Variants in ANXA9 observed in about 807,000 individuals in gnomAD.
ANXA9 encodes annexin A9.
ANXA9 carries 47 observed loss-of-function variants against 51.8 expected under a neutral mutation model. The observed-to-expected ratio is 0.91, with a 90% CI of 0.72 to 1.16. ANXA9 has a LOEUF of 1.16. ANXA9 is among the 50% of genes most tolerant of loss of function. ANXA9 has a pLI of 0.00. For synonymous variants in ANXA9, 154 were observed against 168.7 expected (o/e 0.91, Z 0.68); for missense variants, 361 against 424.7 (o/e 0.85, Z 1.32).
In ANXA9 at chr1:150,983,124, A is replaced by C; in HGVS notation, c.19A>C (p.Lys7Gln). 1 of 1,613,692 alleles carries C rather than the reference A, an allele frequency of 6.2e-7. No individual in the cohort carries two copies. Among genetic ancestry groups the C allele is most frequent in the Non-Finnish European group, 8.5e-7 (1 of 1,179,836 alleles). The change falls in exon 3 of 14, where the codon AAG (lysine) becomes CAG (glutamine). Residue 7 changes from lysine (K) to glutamine (Q), a missense_variant. By Grantham distance (53) the Lys-to-Gln change is moderately conservative. Transcript: ENST00000368947. Reference sequence around the variant, plus strand: ...TAGCACCATGTCTGTGACTGGCGGGAAGATGGCACCGTCCCTCACCCAGGA... The same window carrying C: ...TAGCACCATGTCTGTGACTGGCGGGCAGATGGCACCGTCCCTCACCCAGGA... Reference protein sequence around the residue: MSVTGGKMAPSLTQEIL... With the variant: MSVTGGQMAPSLTQEIL...
chr1:150,988,755 C>T (rs1010530337), intron 12 of ANXA9, among the ~76,000 whole-genome samples: 5 of 152,192 alleles, frequency 3.3e-5, no homozygotes, highest in African/African-American at 4.8e-5. Context: ...TTAATCCTCA[C>T]AACCATATCC....
At chr1:150,992,123 T>C (rs1671719765) in intron 12 of ANXA9, among the ~76,000 whole-genome samples, 1 of 152,218 alleles carries the variant, frequency 6.6e-6, no homozygotes, top group Non-Finnish European at 1.5e-5. Flanking sequence ...TTGTGAAGAA[T>C]ATTTATTCAG....
At chr1:150,979,687 A>G (rs1671382299), upstream of ANXA9, among the ~76,000 whole-genome samples, 1 of 152,180 alleles carries the variant, frequency 6.6e-6, no homozygotes, top group Non-Finnish European at 1.5e-5. Context: ...TCTTGTGGCC[A>G]TTTTGGGGAT....
At chr1:150,978,352 C>G (rs1296207554), upstream of ANXA9, among the ~76,000 whole-genome samples, 1 of 151,994 alleles carries the variant, frequency 6.6e-6, no homozygotes, top group Non-Finnish European at 1.5e-5. Context: ...ATCACTTGAA[C>G]CTGGGAGGCA....
In ANXA9 at chr1:150,983,897, G is replaced by A. The variant is rs138842987; in HGVS notation, c.173-78G>A. 2,056 of 1,396,676 alleles carry A rather than the reference G, an allele frequency of 1.5e-3. 29 individuals are homozygous for A. In the African/African-American group the frequency reaches 0.026, roughly 18 times the overall value. 86.5% of individuals were successfully genotyped at this position (1,396,676 alleles called of 1,614,324 possible). On this transcript the variant is annotated intron_variant, in intron 4 of 13. Coordinates refer to ENST00000368947, the MANE Select transcript of ANXA9 (RefSeq NM_003568.3). ...TTCCTTCCCAGCCCTCTCCTGGAGC[G>A]CCTTCCCTCCTCCAAGGAGTAGGAA...
chr1:150,988,859 C>G (rs1174566399), intron 12 of ANXA9, among the ~76,000 whole-genome samples: 1 of 152,176 alleles, frequency 6.6e-6, no homozygotes, highest in East Asian at 1.9e-4. Flanking sequence ...TCTCCCTACA[C>G]AACACTTCAC....
chr1:150,985,765 G>A (rs942814976), intron 7 of ANXA9, among the ~76,000 whole-genome samples: 2 of 151,892 alleles, frequency 1.3e-5, no homozygotes, highest in East Asian at 3.9e-4. Flanking sequence ...ATGGGGTTTC[G>A]CTGTGTTGTC....
At chr1:150,990,755 GGAGAATCTC>G (rs1671676723) in intron 12 of ANXA9, among the ~76,000 whole-genome samples, 1 of 152,208 alleles carries the variant, frequency 6.6e-6, no homozygotes, top group Admixed American at 6.5e-5. Context: ...GGCTGAAGCA[GGAGAATCTC>G]GAGCCTGGGA....
At chr1:150,983,031 TA>T in intron 2 of ANXA9, 58 bp from the exon 3 acceptor site, 1 of 1,342,908 alleles carries the variant, frequency 7.4e-7, no homozygotes, top group East Asian at 2.3e-5. Context: ...GGGGGGGTCA[TA>T]AGGAGTCCCT....
At chr1:150,992,630 TA>T in intron 12 of ANXA9, among the ~76,000 whole-genome samples, 1 of 151,848 alleles carries the variant, frequency 6.6e-6, no homozygotes, top group East Asian at 1.9e-4. Context: ...GCCAACATGG[TA>T]AAACCCCACC....
chr1:150,990,607 T>A (rs1270171968), intron 12 of ANXA9, among the ~76,000 whole-genome samples: 1 of 152,124 alleles, frequency 6.6e-6, no homozygotes, highest in African/African-American at 2.4e-5. Context: ...AGGACTTTGG[T>A]AGGCTGAGGC....
chr1:150,988,265 T>A lies in ANXA9; in HGVS notation c.794-18T>A. On this transcript the variant is annotated intron_variant, in intron 11 of 13. Coordinates refer to ENST00000368947, the MANE Select transcript of ANXA9 (RefSeq NM_003568.3). Reference sequence around the variant, plus strand: ...TGGTCCTAGTTGTGAACCTCCATCCTTCCATCTTTGTTTCCAGCTTCGGTG... The same window carrying A: ...TGGTCCTAGTTGTGAACCTCCATCCATCCATCTTTGTTTCCAGCTTCGGTG... 1 of 1,614,194 alleles carries A rather than the reference T, an allele frequency of 6.2e-7. No individual in the cohort carries two copies. Among genetic ancestry groups the A allele is most frequent in the Non-Finnish European group, 8.5e-7 (1 of 1,180,018 alleles).
chr1:150,993,086 T>C (rs988486117), intron 12 of ANXA9, among the ~76,000 whole-genome samples: 7 of 152,084 alleles, frequency 4.6e-5, no homozygotes, highest in Admixed American at 1.3e-4. Context: ...ATGCCCTAAG[T>C]ATGTGTTGTA....
chr1:150,984,718 G>C, intron 7 of ANXA9, 42 bp downstream of exon 7: 3 of 1,556,712 alleles, frequency 1.9e-6, no homozygotes, highest in Non-Finnish European at 2.6e-6. Flanking sequence ...TGGAGAAGGG[G>C]CTGTAGGACA....
chr1:150,994,457 A>C lies in ANXA9; in HGVS notation c.853-120A>C, dbSNP rs958007338. The C allele has an allele frequency of 3.5e-6, 5 of 1,447,954 alleles. No individual in the cohort carries two copies. In the African/African-American group the frequency reaches 7.1e-5, roughly 21 times the overall value. 89.7% of individuals were successfully genotyped at this position (1,447,954 alleles called of 1,614,324 possible). A position where few individuals can be genotyped will look rare whatever the true frequency, so the allele number is the denominator to read the frequency against. On this transcript the variant is annotated intron_variant, in intron 12 of 13. Coordinates refer to ENST00000368947, the MANE Select transcript of ANXA9 (RefSeq NM_003568.3). ...TGTCCCGAGATAATGTATAATGTAC[A>C]CTCTTATCCCTTGACTCCCACCTTG... is the stretch of plus-strand genomic sequence containing the variant.
At chr1:150,984,106 G>A (rs1258059912) in intron 5 of ANXA9, 37 bp downstream of exon 5, 1 of 1,595,396 alleles carries the variant, frequency 6.3e-7, no homozygotes, top group Non-Finnish European at 8.5e-7. Flanking sequence ...AGTGGACTGG[G>A]GTGAGAAACC....
chr1:150,994,445 T>G, intron 12 of ANXA9, 132 bp from the exon 13 acceptor site: 1 of 1,359,308 alleles, frequency 7.4e-7, no homozygotes, highest in Non-Finnish European at 1.0e-6. Flanking sequence ...CCCGAGATAA[T>G]GTATAATGTA....
At chr1:150,978,861 G>A (rs1398679112), upstream of ANXA9, among the ~76,000 whole-genome samples, 1 of 152,030 alleles carries the variant, frequency 6.6e-6, no homozygotes, top group Non-Finnish European at 1.5e-5. Context: ...CTACTCAGGA[G>A]GTTGAGGCAG....
In ANXA9 at chr1:150,988,256, C is replaced by T. The variant is rs746284951; in HGVS notation, c.794-27C>T. 5.6e-6 allele frequency: 9 copies of T among 1,614,014 alleles called. No individual in the cohort carries two copies. In the South Asian group the frequency reaches 6.6e-5, roughly 12 times the overall value. Reference sequence around the variant, plus strand: ...GGGAGATTGTGGTCCTAGTTGTGAACCTCCATCCTTCCATCTTTGTTTCCA... The same window carrying T: ...GGGAGATTGTGGTCCTAGTTGTGAATCTCCATCCTTCCATCTTTGTTTCCA... On this transcript the variant is annotated intron_variant, in intron 11 of 13. Transcript: ENST00000368947.
Sources: allele counts gnomAD v4.1 joint callset (sites outside exome capture counted in the v4.1 genomes callset), GRCh38; gene constraint gnomAD v4.1.1; transcripts MANE v1.5; gene names NCBI Gene and HGNC (gene_info 2026-07-23, HGNC 2026-07-21).